Variants in TMEM131 observed in about 807,000 individuals in gnomAD.
TMEM131 encodes transmembrane protein 131, also known as 2610524E03Rik.
In TMEM131, 66 loss-of-function variants were observed where a neutral mutation model predicts 211.6. The observed-to-expected ratio is 0.31, with a 90% CI of 0.26 to 0.38. The LOEUF is 0.38. Among genes scored for constraint, TMEM131 ranks in the 10% least tolerant of loss-of-function variants. TMEM131 has a pLI of 1.00. For synonymous variants in TMEM131, 844 were observed against 841.3 expected, an observed-to-expected ratio of 1.00 and a Z score of -0.06; for missense variants, 2,036 against 2,299.3, an observed-to-expected ratio of 0.89 and a Z score of 2.34.
intron 5 of TMEM131, among the ~76,000 whole-genome samples, chr2:97,850,110 A>G (rs1559400182): frequency 6.6e-6 from 1 of 152,134 alleles, no homozygotes; most frequent in Non-Finnish European, 1.5e-5. Context: ...TATGAAAAAA[A>G]CAAAACAAAA....
chr2:97,801,971 A>C lies in TMEM131; in HGVS notation c.2652-10T>G, dbSNP rs1185658560. On this transcript the variant is annotated splice_polypyrimidine_tract_variant and intron_variant, in intron 24 of 40. Coordinates refer to ENST00000186436, the MANE Select transcript of TMEM131 (RefSeq NM_015348.2). ...CTTACTCAAGTTAAACCTAAAACAA[A>C]AAATGTACACATATTTATTCATAAG... The C allele has an allele frequency of 2.5e-6, 4 of 1,585,284 alleles. No individual in the cohort carries two copies. In the Admixed American group the frequency reaches 6.8e-5, roughly 27 times the overall value.
intron 2 of TMEM131, among the ~76,000 whole-genome samples, chr2:97,920,868 T>C (rs552301410): frequency 4.2e-4 from 64 of 152,290 alleles, no homozygotes; most frequent in African/African-American, 1.5e-3. Flanking sequence ...TTGAAAAATA[T>C]ACTGTCTCAG....
At chr2:97,958,243 A>T (rs1279548913) in intron 1 of TMEM131, among the ~76,000 whole-genome samples, 1 of 152,120 alleles carries the variant, frequency 6.6e-6, no homozygotes, top group African/African-American at 2.4e-5. Context: ...GTTGTGTGCT[A>T]TTTTTCCCAT....
chr2:97,777,288 C>T (rs913840954), intron 31 of TMEM131, among the ~76,000 whole-genome samples: 14 of 152,204 alleles, frequency 9.2e-5, no homozygotes, highest in African/African-American at 1.9e-4. Flanking sequence ...TACATCTTTT[C>T]GATAATGGTG....
chr2:97,896,512 T>G (rs2104310093), intron 3 of TMEM131, among the ~76,000 whole-genome samples: 1 of 152,296 alleles, frequency 6.6e-6, no homozygotes, highest in Admixed American at 6.5e-5. Flanking sequence ...TTTGTAGGTC[T>G]CTAAGAACTT....
At chr2:97,913,145 G>A (rs1354696796) in intron 2 of TMEM131, 1 of 152,054 alleles carries the variant, frequency 6.6e-6, no homozygotes, top group Non-Finnish European at 1.5e-5. Context: ...TCGCAAATCA[G>A]GGGGCCACTA....
chr2:97,867,936 T>C (rs550105526), intron 4 of TMEM131, among the ~76,000 whole-genome samples: 7 of 152,296 alleles, frequency 4.6e-5, no homozygotes, highest in East Asian at 3.9e-4. Flanking sequence ...CAACATTTTT[T>C]TGAATGAATA....
chr2:97,880,833 G>A (rs1674895666), intron 4 of TMEM131, among the ~76,000 whole-genome samples: 1 of 152,162 alleles, frequency 6.6e-6, no homozygotes, highest in African/African-American at 2.4e-5. Flanking sequence ...ACAATTTGGG[G>A]ATACACAGAG....
intron 5 of TMEM131, among the ~76,000 whole-genome samples, chr2:97,858,502 C>A (rs1573469003): frequency 6.6e-6 from 1 of 152,138 alleles, no homozygotes; most frequent in South Asian, 2.1e-4. Flanking sequence ...ATACCCTAAT[C>A]TCTGAGGCTG....
At chr2:97,968,931 A>T (rs1309318261) in intron 1 of TMEM131, among the ~76,000 whole-genome samples, 2 of 152,016 alleles carry the variant, frequency 1.3e-5, no homozygotes, top group Non-Finnish European at 1.5e-5. Context: ...AAAGAAAAAA[A>T]AAAATTAGCT....
intron 19 of TMEM131, among the ~76,000 whole-genome samples, chr2:97,806,608 C>T (rs1681310794): frequency 6.6e-6 from 1 of 152,058 alleles, no homozygotes; most frequent in East Asian, 1.9e-4. Context: ...ATTGCTCTTA[C>T]CAGTCACAAG....
intron 1 of TMEM131, among the ~76,000 whole-genome samples, chr2:97,928,226 G>C (rs1310727804): frequency 6.6e-6 from 1 of 152,128 alleles, no homozygotes; most frequent in Non-Finnish European, 1.5e-5. Flanking sequence ...ATTACTAAAA[G>C]AAAAGGCTAC....
intron 1 of TMEM131, among the ~76,000 whole-genome samples, chr2:97,992,717 T>C (rs75534232): frequency 0.025 from 3,824 of 152,276 alleles, 165 homozygotes; most frequent in African/African-American, 0.088. Flanking sequence ...ACATTTAATA[T>C]ATACACATAC....
chr2:97,842,639 G>T (rs1373118214), intron 6 of TMEM131, among the ~76,000 whole-genome samples: 1 of 152,126 alleles, frequency 6.6e-6, no homozygotes, highest in African/African-American at 2.4e-5. Context: ...TGGTAGTGAG[G>T]AGGAGGGAAG....
chr2:97,822,375 A>G (rs1414100359), intron 11 of TMEM131, among the ~76,000 whole-genome samples: 3 of 152,148 alleles, frequency 2.0e-5, no homozygotes, highest in Non-Finnish European at 4.4e-5. Context: ...CTTCCTTTTC[A>G]CATGATGAGA....
At chr2:97,980,299 G>T (rs1679729769) in intron 1 of TMEM131, among the ~76,000 whole-genome samples, 1 of 152,206 alleles carries the variant, frequency 6.6e-6, no homozygotes, top group Admixed American at 6.5e-5. Flanking sequence ...TGTCAGGCAG[G>T]ATTGCCACAA....
At chr2:97,830,055 G>T (rs1010549985) in intron 11 of TMEM131, among the ~76,000 whole-genome samples, 3 of 140,162 alleles carry the variant, frequency 2.1e-5, no homozygotes, top group African/African-American at 7.9e-5. Context: ...AAAATACGCT[G>T]CAGTAATAAC....
At chr2:97,983,173 T>A (rs573894361) in intron 1 of TMEM131, among the ~76,000 whole-genome samples, 1 of 152,176 alleles carries the variant, frequency 6.6e-6, no homozygotes, top group Non-Finnish European at 1.5e-5. Context: ...CCTTAAAAAT[T>A]ACTTTTGTTT....
chr2:97,991,609 A>T (rs1250301416), intron 1 of TMEM131, among the ~76,000 whole-genome samples: 1 of 152,220 alleles, frequency 6.6e-6, no homozygotes, highest in Non-Finnish European at 1.5e-5. Flanking sequence ...ATTGGAGAGC[A>T]GCAACTGTCA....
Sources: gnomAD v4.1 joint callset for allele counts (sites outside exome capture counted in the v4.1 genomes callset) on GRCh38, gnomAD v4.1.1 for gene constraint, MANE v1.5 for transcripts, NCBI Gene and HGNC (gene_info 2026-07-23, HGNC 2026-07-21) for gene names.